Variants in FAM135B observed in about 807,000 individuals in gnomAD.
FAM135B encodes protein FAM135B.
FAM135B carries 43 observed loss-of-function variants against 127.7 expected under a neutral mutation model. The ratio of observed to expected loss-of-function variants is 0.34; its 90% CI spans 0.26 to 0.43. The LOEUF (loss-of-function observed/expected upper bound fraction) is 0.43, where lower values mean the gene tolerates loss of function less well. Ranked by LOEUF, FAM135B falls within the 20% of genes least tolerant of loss-of-function variation. The probability of loss-of-function intolerance (pLI) is 1.00; values close to 1 mark genes in which losing one functional copy is unlikely to be tolerated. For synonymous variants in FAM135B, 670 were observed against 665.1 expected, an observed-to-expected ratio of 1.01 and a Z score of -0.11; for missense variants, 1,558 against 1,725.6, an observed-to-expected ratio of 0.90 and a Z score of 1.72.
At chr8:138,262,208 T>C (rs1487889672) in intron 4 of FAM135B, among the ~76,000 whole-genome samples, 1 of 152,154 alleles carries the variant, frequency 6.6e-6, no homozygotes, top group African/African-American at 2.4e-5. Context: ...AAGGTCAAAC[T>C]TGAAGGCTTT....
chr8:138,168,775 A>G (rs918469953), intron 11 of FAM135B, among the ~76,000 whole-genome samples: 1 of 152,176 alleles, frequency 6.6e-6, no homozygotes, highest in Admixed American at 6.5e-5. Flanking sequence ...ATTTTACTCT[A>G]TAAAGGAAAA....
At chr8:138,146,944 T>C (rs1563682823) in intron 14 of FAM135B, among the ~76,000 whole-genome samples, 1 of 152,190 alleles carries the variant, frequency 6.6e-6, no homozygotes, top group African/African-American at 2.4e-5. Context: ...GTGACAAATA[T>C]CATTCTTTAT....
intron 3 of FAM135B, among the ~76,000 whole-genome samples, chr8:138,306,929 C>T (rs1179841343): frequency 6.6e-6 from 1 of 152,160 alleles, no homozygotes. Context: ...CAGAGATTAG[C>T]AAATGCTGCT....
At chr8:138,196,717 G>A (rs550461049) in intron 8 of FAM135B, among the ~76,000 whole-genome samples, 10 of 152,252 alleles carry the variant, frequency 6.6e-5, no homozygotes, top group African/African-American at 2.2e-4. Context: ...TGGGGACTTC[G>A]CCTCTGTTCT....
chr8:138,407,299 G>C (rs1833566824), intron 1 of FAM135B, among the ~76,000 whole-genome samples: 1 of 151,988 alleles, frequency 6.6e-6, no homozygotes, highest in South Asian at 2.1e-4. Context: ...TCATGGGTAG[G>C]AAGAATCAAT....
intron 13 of FAM135B, 127 bp downstream of exon 13, chr8:138,151,067 A>G: frequency 3.6e-6 from 2 of 562,600 alleles, no homozygotes; most frequent in Non-Finnish European, 6.0e-6. Flanking sequence ...ATAATATGGT[A>G]TATTACCTTA....
At chr8:138,497,294 G>T (rs918712885), upstream of FAM135B, among the ~76,000 whole-genome samples, 21 of 150,282 alleles carry the variant, frequency 1.4e-4, no homozygotes, top group African/African-American at 5.1e-4. Context: ...CTCCCACCTC[G>T]GTCCCTCTCC....
chr8:138,294,406 T>G (rs1276227031), intron 3 of FAM135B, among the ~76,000 whole-genome samples: 3 of 152,150 alleles, frequency 2.0e-5, no homozygotes, highest in African/African-American at 7.2e-5. Flanking sequence ...AAAATATTTT[T>G]AAAATAAAAT....
chr8:138,288,145 C>G (rs573310683), intron 3 of FAM135B, among the ~76,000 whole-genome samples: 1 of 152,212 alleles, frequency 6.6e-6, no homozygotes, highest in South Asian at 2.1e-4. Flanking sequence ...CTCGTGCATG[C>G]TGAGGGAAAC....
chr8:138,208,351 A>G (rs570004880), intron 7 of FAM135B, among the ~76,000 whole-genome samples: 6 of 152,336 alleles, frequency 3.9e-5, no homozygotes, highest in African/African-American at 1.2e-4. Flanking sequence ...TAGCTATTCC[A>G]TTGTGATCCA....
At chr8:138,444,921 A>G (rs904361861) in intron 1 of FAM135B, among the ~76,000 whole-genome samples, 1 of 152,226 alleles carries the variant, frequency 6.6e-6, no homozygotes, top group Admixed American at 6.5e-5. Context: ...CTAATAAAGA[A>G]GAAAAGAGAG....
intron 8 of FAM135B, among the ~76,000 whole-genome samples, chr8:138,196,460 C>G (rs1056267587): frequency 6.6e-6 from 1 of 152,124 alleles, no homozygotes; most frequent in Admixed American, 6.5e-5. Context: ...CTCTACATAC[C>G]GGAGAGAGTG....
At chr8:138,410,664 A>G (rs7828809) in intron 1 of FAM135B, among the ~76,000 whole-genome samples, 59,009 of 152,096 alleles carry the variant, frequency 0.39, 12,039 homozygotes, top group African/African-American at 0.52. Flanking sequence ...GGAGAAAAGC[A>G]TTCGCTCATA....
At chr8:138,396,101 T>G (rs1832837368) in intron 1 of FAM135B, among the ~76,000 whole-genome samples, 1 of 152,186 alleles carries the variant, frequency 6.6e-6, no homozygotes, top group East Asian at 1.9e-4. Flanking sequence ...CTTTTCTTCC[T>G]GGAAAGAGCA....
intron 6 of FAM135B, among the ~76,000 whole-genome samples, chr8:138,245,556 T>C (rs944383444): frequency 2.6e-5 from 4 of 152,144 alleles, no homozygotes; most frequent in African/African-American, 7.2e-5. Flanking sequence ...CCTTCCACCA[T>C]GATTGTAAGT....
At chr8:138,159,869 A>G (rs1010284524) in intron 12 of FAM135B, among the ~76,000 whole-genome samples, 1 of 152,124 alleles carries the variant, frequency 6.6e-6, no homozygotes, top group Non-Finnish European at 1.5e-5. Context: ...GGGTCTTGAT[A>G]ATTTATGCTA....
intron 7 of FAM135B, among the ~76,000 whole-genome samples, chr8:138,217,365 T>C (rs1191977630): frequency 2.0e-5 from 3 of 150,346 alleles, no homozygotes; most frequent in Non-Finnish European, 2.9e-5. Context: ...CTCTGTAAGA[T>C]GGGAAAAAAA....
chr8:138,448,442 C>T (rs984212934), intron 1 of FAM135B, among the ~76,000 whole-genome samples: 13 of 152,158 alleles, frequency 8.5e-5, no homozygotes, highest in African/African-American at 3.1e-4. Flanking sequence ...GACCTTGGTT[C>T]AGCTCACCAG....
chr8:138,316,687 A>T (rs1827118851), intron 2 of FAM135B, among the ~76,000 whole-genome samples: 1 of 151,986 alleles, frequency 6.6e-6, no homozygotes, highest in South Asian at 2.1e-4. Flanking sequence ...CTTCTTTAAA[A>T]ATTAAACATA....
Sources: allele counts gnomAD v4.1 joint callset (sites outside exome capture counted in the v4.1 genomes callset), GRCh38; gene constraint gnomAD v4.1.1; transcripts MANE v1.5; gene names NCBI Gene and HGNC (gene_info 2026-07-23, HGNC 2026-07-21).